EIF3F: variants seen among roughly 807,000 people sequenced by gnomAD.
The protein encoded by EIF3F is deubiquitinating enzyme eIF3f.
EIF3F carries 8 observed loss-of-function variants against 36.0 expected under a neutral mutation model. The ratio of observed to expected loss-of-function variants is 0.22; its 90% CI spans 0.13 to 0.40. The LOEUF is 0.40. Ranked by LOEUF, EIF3F falls within the 10% of genes least tolerant of loss-of-function variation. EIF3F has a pLI of 1.00. For missense variants in EIF3F, 430 were observed against 467.6 expected (o/e 0.92, Z 0.74); for synonymous variants, 184 against 188.5 (o/e 0.98, Z 0.19).
intron 1 of EIF3F, chr11:7,987,942 A>G (rs1942047793): frequency 1.9e-6 from 1 of 536,504 alleles, no homozygotes; most frequent in Non-Finnish European, 2.9e-6. Flanking sequence ...TTTAAGCGAC[A>G]TAAAATACAC....
intron 3 of EIF3F, chr11:7,992,561 A>AT (rs1942109496): frequency 4.6e-6 from 2 of 435,922 alleles, no homozygotes; most frequent in Non-Finnish European, 8.4e-6. Flanking sequence ...TGAGTGACAG[A>AT]GTGCGACCCT....
At position 7,995,970 on chromosome 11, in the gene EIF3F, C is replaced by G; in HGVS notation, c.1022C>G (p.Ala341Gly). The G allele has an allele frequency of 1.2e-6, 2 of 1,613,888 alleles. No homozygotes were observed. Among genetic ancestry groups the G allele is most frequent in the Non-Finnish European group, 1.7e-6 (2 of 1,179,818 alleles). Residue 341 changes from alanine (A) to glycine (G), a missense_variant, in exon 8 of 8, where the codon GCC becomes GGC. Physicochemically the swap from Ala to Gly is moderately conservative, Grantham distance 60. Coordinates refer to ENST00000651655, the MANE Select transcript of EIF3F (RefSeq NM_003754.3). ...GACCTTTTGATGGTGACCTACCTGG[C>G]CAACCTCACACAGTCACAGATTGCA... ...INDLLMVTYL[A>G]NLTQSQIALN...
At position 7,996,366 on chromosome 11, in the gene EIF3F, G is replaced by A. The variant is rs1942160027; in HGVS notation, c.*344G>A. The A allele has an allele frequency of 5.0e-6, 1 of 198,400 alleles. No individual in the cohort carries two copies. Among genetic ancestry groups the A allele is most frequent in the Non-Finnish European group, 1.0e-5 (1 of 97,328 alleles). The allele number at this position is 198,400 out of a possible 1,614,324, so 12.3% of individuals were successfully genotyped here. A position where few individuals can be genotyped will look rare whatever the true frequency, so the allele number is the denominator to read the frequency against. ...AAACAACCTTTTCTTGAGGATTCATGTGATTTCTACAGGAAATGAAAATAA... is the reference window on the plus strand; with the variant it reads ...AAACAACCTTTTCTTGAGGATTCATATGATTTCTACAGGAAATGAAAATAA... On this transcript the variant is annotated 3_prime_UTR_variant, in exon 8 of 8. Coordinates refer to ENST00000651655, the MANE Select transcript of EIF3F (RefSeq NM_003754.3).
chr11:7,990,865 G>GAATA (rs58906269), intron 1 of EIF3F, among the ~76,000 whole-genome samples: 5,647 of 136,610 alleles, frequency 0.041, 140 homozygotes, highest in African/African-American at 0.07. Context: ...AATGTAGTGG[G>GAATA]AATAAATAAA....
Position 8,000,626 on chromosome 11 carries a change from G to A in EIF3F, c.*4604G>A, listed in dbSNP as rs550360892. ...TGTACATATATCAAAACATCACATT[G>A]TACAAAATACATACAGTTTTTGTCA... On this transcript the variant is annotated 3_prime_UTR_variant, in exon 8 of 8. Transcript: ENST00000651655. The A allele has an allele frequency of 6.6e-6, 1 of 152,042 alleles. No individual in the cohort carries two copies. The highest frequency in any genetic ancestry group is 1.5e-5 in the Non-Finnish European group (1 of 68,022). The allele number at this position is 152,042 out of a possible 1,614,324, so 9.4% of individuals were successfully genotyped here.
chr11:8,000,506 A>G lies in EIF3F; in HGVS notation c.*4484A>G, dbSNP rs1942209016. The G allele has an allele frequency of 6.6e-6, 1 of 152,324 alleles. No individual in the cohort carries two copies. The highest frequency in any genetic ancestry group is 2.1e-4 in the South Asian group (1 of 4,828). The allele number at this position is 152,324 out of a possible 1,614,324, so 9.4% of individuals were successfully genotyped here. On this transcript the variant is annotated 3_prime_UTR_variant, in exon 8 of 8. Coordinates refer to ENST00000651655, the MANE Select transcript of EIF3F (RefSeq NM_003754.3). ...GCAGCAGGGTGACTAGTTAATGTAT[A>G]CTTGAAAATTGCTAGGAGTAGATCT... is the stretch of plus-strand genomic sequence containing the variant.
At chr11:7,991,055 C>G (rs1481888664) in intron 1 of EIF3F, among the ~76,000 whole-genome samples, 2 of 151,650 alleles carry the variant, frequency 1.3e-5, no homozygotes, top group African/African-American at 4.8e-5. Context: ...ATTAGCTGGG[C>G]GTGGTGATGC....
chr11:7,992,592 A>G, intron 3 of EIF3F: 1 of 462,852 alleles, frequency 2.2e-6, no homozygotes, highest in Non-Finnish European at 3.9e-6. Context: ...AACAAAAGGA[A>G]AGTGTGTTAC....
rs780489360 is a variant in EIF3F at position 7,994,405 on chromosome 11, C to G, written c.654-21C>G. 4 of 1,610,756 alleles carry G rather than the reference C, an allele frequency of 2.5e-6. No individual in the cohort carries two copies. The South Asian group carries it at 4.4e-5, about 18-fold the overall frequency. ...ACCCTCTCCCAAGGCCATCTGTTTA[C>G]TTTGGCTTCTCCTTCCGCAGCACTT... On this transcript the variant is annotated intron_variant, in intron 4 of 7. Transcript: ENST00000651655.
chr11:7,987,860 C>A, intron 1 of EIF3F, 144 bp downstream of exon 1: 1 of 1,231,838 alleles, frequency 8.1e-7, no homozygotes, highest in Non-Finnish European at 1.1e-6. Flanking sequence ...ATATCTGCAT[C>A]CTACCTTTTG....
At position 7,996,156 on chromosome 11, in the gene EIF3F, A is replaced by G; in HGVS notation, c.*134A>G. On this transcript the variant is annotated 3_prime_UTR_variant, in exon 8 of 8. Transcript: ENST00000651655. ...TGTGTGACTCTAATAAACGGAGCCT[A>G]CCTTTTGTAAATTAATTTCATCTTA... 1.4e-6 allele frequency: 1 copy of G among 731,946 alleles called. No homozygotes were observed. Among genetic ancestry groups the G allele is most frequent in the South Asian group, 1.8e-5 (1 of 54,272 alleles). The allele number at this position is 731,946 out of a possible 1,614,324, so 45.3% of individuals were successfully genotyped here.
chr11:7,989,744 G>A (rs1942071121), intron 1 of EIF3F, among the ~76,000 whole-genome samples: 1 of 152,142 alleles, frequency 6.6e-6, no homozygotes, highest in African/African-American at 2.4e-5. Flanking sequence ...TTGGGGAAAA[G>A]TTCACAAAAA....
chr11:7,997,963 A>G lies in EIF3F; in HGVS notation c.*1941A>G, dbSNP rs1023399031. 2.0e-5 allele frequency: 3 copies of G among 152,256 alleles called. No individual in the cohort carries two copies. Among genetic ancestry groups the G allele is most frequent in the African/African-American group, 2.4e-5 (1 of 41,466 alleles). 9.4% of individuals were successfully genotyped at this position (152,256 alleles called of 1,614,324 possible). On this transcript the variant is annotated 3_prime_UTR_variant, in exon 8 of 8. Transcript: ENST00000651655. Reference sequence around the variant, plus strand: ...AGTAATCTAGAGATGACTTAAAAGTATATGAGAAGGTATGCACAGGTTATA... The same window carrying G: ...AGTAATCTAGAGATGACTTAAAAGTGTATGAGAAGGTATGCACAGGTTATA...
rs1942199407 is a variant in EIF3F, at chr11:7,999,785, TC to T, written c.*3765del. 2 of 152,292 alleles carry T rather than the reference TC, an allele frequency of 1.3e-5. No homozygotes were observed. The highest frequency in any genetic ancestry group is 3.9e-4 in the East Asian group (2 of 5,186). 9.4% of individuals were successfully genotyped at this position (152,292 alleles called of 1,614,324 possible). ...GCTTCCTCAATAAAAACACATATGA[TC>T]CAGCAATCCCACTACTGGGTATATA... On this transcript the variant is annotated 3_prime_UTR_variant, in exon 8 of 8. Coordinates refer to ENST00000651655, the MANE Select transcript of EIF3F (RefSeq NM_003754.3).
rs139512698 is a variant in EIF3F at position 7,992,217 on chromosome 11, G to A, written c.515+54G>A. 2.0e-4 allele frequency: 288 copies of A among 1,454,912 alleles called. 2 individuals carry two copies. In the African/African-American group the frequency reaches 3.4e-3, roughly 17 times the overall value. 90.1% of individuals were successfully genotyped at this position (1,454,912 alleles called of 1,614,324 possible). On this transcript the variant is annotated intron_variant, in intron 3 of 7. Transcript: ENST00000651655. The stretch of plus-strand genomic sequence containing the variant: ...AATGGAAGGTCTCTTCGTGATTGCC[G>A]GTGTCTTTTGCTACTGGACTGGATC...
intron 1 of EIF3F, among the ~76,000 whole-genome samples, chr11:7,989,189 G>T (rs551149476): frequency 1.6e-4 from 24 of 152,294 alleles, no homozygotes; most frequent in South Asian, 8.3e-4. Flanking sequence ...ACTGTGCCCT[G>T]CTCTGAGCTT....
Position 7,997,462 on chromosome 11 carries a change from T to G in EIF3F, c.*1440T>G, listed in dbSNP as rs890999349. 2.0e-5 allele frequency: 3 copies of G among 152,064 alleles called. No homozygotes were observed. The highest frequency in any genetic ancestry group is 7.2e-5 in the African/African-American group (3 of 41,408). The allele number at this position is 152,064 out of a possible 1,614,324, so 9.4% of individuals were successfully genotyped here. Reference sequence around the variant, plus strand: ...GAAACAAAATTTTAAATTTGAGAAATAAGCATAGAAAAGGTGGATAAAACA... The same window carrying G: ...GAAACAAAATTTTAAATTTGAGAAAGAAGCATAGAAAAGGTGGATAAAACA... On this transcript the variant is annotated 3_prime_UTR_variant, in exon 8 of 8. Coordinates refer to ENST00000651655, the MANE Select transcript of EIF3F (RefSeq NM_003754.3).
chr11:7,995,181 C>T, intron 6 of EIF3F, 63 bp downstream of exon 6: 2 of 1,605,574 alleles, frequency 1.2e-6, no homozygotes, highest in East Asian at 2.2e-5. Flanking sequence ...ATCACTGAGG[C>T]ATGTGCTGAT....
intron 7 of EIF3F, chr11:7,995,676 C>T (rs1460879191): frequency 3.4e-6 from 2 of 583,156 alleles, no homozygotes; most frequent in Non-Finnish European, 3.1e-6. Context: ...ACTTATTTCC[C>T]CCATCTGAGT....
Sources: gnomAD v4.1 joint callset for allele counts (sites outside exome capture counted in the v4.1 genomes callset) on GRCh38, gnomAD v4.1.1 for gene constraint, MANE v1.5 for transcripts, NCBI Gene and HGNC (gene_info 2026-07-23, HGNC 2026-07-21) for gene names.